ANKRD30B: variants seen among roughly 807,000 people sequenced by gnomAD.
The protein encoded by ANKRD30B is ankyrin repeat domain-containing protein 30B.
ANKRD30B carries 144 observed loss-of-function variants against 202.2 expected under a neutral mutation model. That is an observed-to-expected ratio of 0.71 (90% CI 0.62 to 0.82). The LOEUF is 0.82. Among genes scored for constraint, ANKRD30B ranks in the 40% least tolerant of loss-of-function variants. The pLI is 0.00. For missense variants in ANKRD30B, 1,487 were observed against 1,669.1 expected, an observed-to-expected ratio of 0.89 and a Z score of 1.90; for synonymous variants, 508 against 561.3, an observed-to-expected ratio of 0.91 and a Z score of 1.34.
chr18:14,855,359 C>T (rs1270544987), downstream of ANKRD30B, among the ~76,000 whole-genome samples: 1 of 152,228 alleles, frequency 6.6e-6, no homozygotes, highest in African/African-American at 2.4e-5. Flanking sequence ...CCACATTTCC[C>T]TCTTTTCTTT....
chr18:14,927,537 G>C, the ANKRD30B span, among the ~76,000 whole-genome samples: 1 of 152,156 alleles, frequency 6.6e-6, no homozygotes, highest in Non-Finnish European at 1.5e-5. Flanking sequence ...AGGCCAGGAG[G>C]CCAAAGCACT....
chr18:14,754,173 G>A (rs1163029500), intron 3 of ANKRD30B, among the ~76,000 whole-genome samples: 1 of 152,116 alleles, frequency 6.6e-6, no homozygotes, highest in East Asian at 1.9e-4. Flanking sequence ...CTTCCTTAGT[G>A]ACCCATTTAG....
intron 34 of ANKRD30B, among the ~76,000 whole-genome samples, chr18:14,832,817 A>G (rs1474732411): frequency 1.3e-5 from 2 of 152,252 alleles, no homozygotes; most frequent in Non-Finnish European, 2.9e-5. Flanking sequence ...TAAGAAGACA[A>G]TAAATCAGAG....
chr18:14,795,355 C>T (rs1291151899), intron 16 of ANKRD30B, among the ~76,000 whole-genome samples: 1 of 152,158 alleles, frequency 6.6e-6, no homozygotes, highest in Non-Finnish European at 1.5e-5. Flanking sequence ...TGCCACCATA[C>T]CTGGATGATT....
chr18:14,855,440 C>T (rs1435760114), downstream of ANKRD30B, among the ~76,000 whole-genome samples: 1 of 152,242 alleles, frequency 6.6e-6, no homozygotes, highest in Admixed American at 6.5e-5. Flanking sequence ...GTTGGGTACA[C>T]CTGCAGAAAG....
chr18:14,886,035 C>T, the ANKRD30B span, among the ~76,000 whole-genome samples: 3 of 152,066 alleles, frequency 2.0e-5, no homozygotes, highest in African/African-American at 7.2e-5. Context: ...TTGAAAACTA[C>T]GTAATTTCTT....
chr18:14,855,994 A>C (rs1972097280), downstream of ANKRD30B, among the ~76,000 whole-genome samples: 1 of 127,530 alleles, frequency 7.8e-6, no homozygotes, highest in African/African-American at 3.0e-5. Flanking sequence ...GGCGCTCCTC[A>C]CCTCCCAGAC....
the ANKRD30B span, among the ~76,000 whole-genome samples, chr18:14,938,350 C>T: frequency 1.3e-5 from 2 of 152,220 alleles, no homozygotes; most frequent in Non-Finnish European, 2.9e-5. Context: ...ACAGTCTCAA[C>T]AGAAGAAGGA....
At chr18:14,763,188 C>T (rs1160116359) in intron 6 of ANKRD30B, among the ~76,000 whole-genome samples, 1 of 152,042 alleles carries the variant, frequency 6.6e-6, no homozygotes, top group African/African-American at 2.4e-5. Flanking sequence ...CTTACTATGT[C>T]ATGCCATTAC....
At chr18:14,938,931 G>A in the ANKRD30B span, among the ~76,000 whole-genome samples, 1 of 152,194 alleles carries the variant, frequency 6.6e-6, no homozygotes, top group African/African-American at 2.4e-5. Flanking sequence ...CCCAGGAGAA[G>A]ATCAACAACA....
the ANKRD30B span, chr18:14,883,950 T>C: frequency 5.1e-6 from 1 of 197,328 alleles, no homozygotes; most frequent in East Asian, 2.1e-4. Context: ...ATTTCTCTTA[T>C]TAGACCCTGT....
At chr18:14,878,209 G>C in the ANKRD30B span, among the ~76,000 whole-genome samples, 2 of 152,126 alleles carry the variant, frequency 1.3e-5, no homozygotes, top group African/African-American at 2.4e-5. Flanking sequence ...CTCTCCCTTT[G>C]TGGAACCGAG....
chr18:14,915,117 C>CA, the ANKRD30B span, among the ~76,000 whole-genome samples: 1 of 152,164 alleles, frequency 6.6e-6, no homozygotes, highest in East Asian at 1.9e-4. Context: ...ATGCTCCCCC[C>CA]ACTATTTCCA....
the ANKRD30B span, among the ~76,000 whole-genome samples, chr18:14,912,260 T>A: frequency 2.0e-5 from 3 of 152,344 alleles, no homozygotes; most frequent in South Asian, 4.1e-4. Context: ...GGGTTTGTTG[T>A]ATATGACCTT....
Position 14,851,616 on chromosome 18 carries a change from C to A in ANKRD30B, c.3672C>A (p.His1224Gln). The part of the protein sequence containing the change: ...KLEVATLKHQ[H>Q]QVKENKYFED... ...AAGTAGCCACACTGAAACATCAACA[C>A]CAGGTGAAGGAAAATAAATACTTTG... Residue 1224 changes from histidine (H) to glutamine (Q), a missense_variant, in exon 42 of 44, where the codon CAC becomes CAA. His to Gln is a conservative substitution (Grantham distance 24). Around this residue, in one of 6 missense-constraint regions of ANKRD30B, gnomAD observed 177 missense variants for 216.4 expected, o/e 0.82. Transcript: ENST00000690538. 6.2e-7 allele frequency: 1 copy of A among 1,611,440 alleles called. No individual in the cohort carries two copies.
chr18:14,798,119 G>T (rs1383119672), intron 20 of ANKRD30B, among the ~76,000 whole-genome samples: 2 of 152,086 alleles, frequency 1.3e-5, no homozygotes, highest in Admixed American at 1.3e-4. Context: ...TTCCCAGGTG[G>T]ATCAGCAGGT....
intron 16 of ANKRD30B, among the ~76,000 whole-genome samples, chr18:14,793,839 T>A (rs1173641409): frequency 6.6e-6 from 1 of 150,542 alleles, no homozygotes; most frequent in Non-Finnish European, 1.5e-5. Flanking sequence ...GCTTGTATTC[T>A]GCCGAGATCT....
chr18:14,805,429 G>T lies in ANKRD30B; in HGVS notation c.2284+1605G>T, dbSNP rs555719725. On this transcript the variant is annotated intron_variant, in intron 24 of 43. Coordinates refer to ENST00000690538, the MANE Select transcript of ANKRD30B (RefSeq NM_001367607.2). ...GGTTTGTACATCTTCCTCCATCAGT[G>T]GATCAAGAAATATTGAGATGGCAAA... 1.5e-3 allele frequency among the ~76,000 whole-genome samples: 225 copies of T among 150,848 alleles called. 8 individuals are homozygous for T. Among genetic ancestry groups the T allele is most frequent in the South Asian group, 2.8e-3 (13 of 4,722 alleles).
At chr18:14,787,244 G>C in intron 15 of ANKRD30B, 144 bp downstream of exon 15, 1 of 667,684 alleles carries the variant, frequency 1.5e-6, no homozygotes, top group Non-Finnish European at 2.4e-6. Context: ...GCTTAATAGA[G>C]AATATATGTG....
Sources: gnomAD v4.1 joint callset for allele counts (sites outside exome capture counted in the v4.1 genomes callset) on GRCh38, gnomAD v4.1.1 for gene constraint, gnomAD v4.1.1 regional missense constraint, MANE v1.5 for transcripts, NCBI Gene and HGNC (gene_info 2026-07-23, HGNC 2026-07-21) for gene names.